Variants in SDHA observed in about 807,000 individuals in gnomAD.
SDHA encodes the protein succinate dehydrogenase complex flavoprotein subunit A.
Under a neutral mutation model 78.4 loss-of-function variants are expected in SDHA, and 48 were observed. The ratio of observed to expected loss-of-function variants is 0.61; its 90% confidence interval spans 0.49 to 0.78. The LOEUF (loss-of-function observed/expected upper bound fraction) is 0.78. Among genes scored for constraint, SDHA ranks in the 30% least tolerant of loss-of-function variants. The probability of loss-of-function intolerance (pLI) is 0.00; values close to 1 mark genes in which losing one functional copy is unlikely to be tolerated. For missense variants in SDHA, 680 were observed against 892.7 expected (o/e 0.76, Z 3.04); for synonymous variants, 326 against 353.9 (o/e 0.92, Z 0.88).
chr5:234,714 A>G (rs1225483703), intron 8 of SDHA: 2 of 260,830 alleles, frequency 7.7e-6, no homozygotes, highest in Admixed American at 4.9e-5. Context: ...ATAGAGGAGG[A>G]TGTGCATAGG....
intron 10 of SDHA, among the ~76,000 whole-genome samples, chr5:239,156 G>A (rs2126598499): frequency 7.5e-6 from 1 of 134,104 alleles, no homozygotes; most frequent in African/African-American, 3.3e-5. Context: ...GGGCCTGTTT[G>A]ACTCCTGCAT....
chr5:265,852 C>CT, the SDHA span, among the ~76,000 whole-genome samples: 12 of 137,444 alleles, frequency 8.7e-5, no homozygotes, highest in African/African-American at 4.1e-4. Context: ...AAATTGCCAC[C>CT]CCAATGCTGT....
chr5:244,410 C>T (rs1016745137), intron 11 of SDHA, among the ~76,000 whole-genome samples: 1 of 151,904 alleles, frequency 6.6e-6, no homozygotes, highest in African/African-American at 2.4e-5. Context: ...TACTTCTGTT[C>T]CCTGGAAAGC....
At chr5:223,169 A>G (rs1734814662) in intron 1 of SDHA, among the ~76,000 whole-genome samples, 1 of 152,270 alleles carries the variant, frequency 6.6e-6, no homozygotes, top group Admixed American at 6.5e-5. Context: ...GCATACATTA[A>G]GACTTCACAG....
chr5:257,426 G>A (rs1199360501), downstream of SDHA, among the ~76,000 whole-genome samples: 1 of 134,540 alleles, frequency 7.4e-6, no homozygotes, highest in African/African-American at 3.0e-5. Flanking sequence ...AACACCACCT[G>A]TCAGAGCATT....
intron 7 of SDHA, 105 bp from the exon 8 acceptor site, chr5:233,372 C>A: frequency 1.0e-5 from 13 of 1,241,974 alleles, no homozygotes; most frequent in Non-Finnish European, 1.5e-5. Flanking sequence ...ATGCCTTCTG[C>A]TTATCTTTTT....
the SDHA span, among the ~76,000 whole-genome samples, chr5:265,854 C>T: frequency 9.3e-5 from 14 of 149,798 alleles, no homozygotes; most frequent in African/African-American, 3.2e-4. Flanking sequence ...ATTGCCACCC[C>T]AATGCTGTGG....
chr5:220,012 A>G (rs924000541), intron 1 of SDHA, among the ~76,000 whole-genome samples: 8 of 152,348 alleles, frequency 5.3e-5, no homozygotes, highest in Admixed American at 4.6e-4. Context: ...TTACGAAGGA[A>G]CAGCATAATC....
chr5:236,303 C>T (rs1367421181), intron 9 of SDHA, 125 bp from the exon 10 acceptor site: 16 of 939,340 alleles, frequency 1.7e-5, no homozygotes, highest in East Asian at 5.0e-5. Context: ...AGATTACAGG[C>T]GTGAGCCACC....
chr5:267,995 G>A, the SDHA span, among the ~76,000 whole-genome samples: 2 of 152,172 alleles, frequency 1.3e-5, no homozygotes, highest in South Asian at 2.1e-4. Context: ...GACTTGTGAA[G>A]ACAATGTTGT....
chr5:233,815 A>G, intron 8 of SDHA, 170 bp downstream of exon 8: 2 of 635,692 alleles, frequency 3.1e-6, no homozygotes, highest in Admixed American at 2.8e-5. Context: ...CTAAAGACCT[A>G]CATTTTGAAA....
intron 11 of SDHA, among the ~76,000 whole-genome samples, chr5:247,964 C>T (rs188556298): frequency 1.7e-3 from 265 of 151,512 alleles, no homozygotes; most frequent in African/African-American, 6.0e-3. Context: ...ACAGGGACTA[C>T]GGGACACCCC....
intron 8 of SDHA, 106 bp from the exon 9 acceptor site, chr5:235,038 T>A: frequency 1.7e-6 from 2 of 1,152,762 alleles, no homozygotes; most frequent in Non-Finnish European, 2.6e-6. Flanking sequence ...GAAATTTTCC[T>A]CAGTATCAAA....
Position 223,543 on chromosome 5 carries a change from G to C in SDHA, c.125G>C (p.Arg42Thr). ...GFHFTVDGNKRASAKVSDSIS... is the reference protein window; with the variant it reads ...GFHFTVDGNKTASAKVSDSIS... The stretch of plus-strand genomic sequence containing the variant: ...CACTTCACTGTTGATGGGAACAAGA[G>C]GGCATCTGCTAAAGTTTCAGATTCC... The change falls in exon 2 of 15, where the codon AGG (arginine) becomes ACG (threonine). Residue 42 changes from arginine (R) to threonine (T), a missense_variant. By Grantham distance (71) the Arg-to-Thr change is moderately conservative. Transcript: ENST00000264932. 1 of 1,613,672 alleles carries C rather than the reference G, an allele frequency of 6.2e-7. No homozygotes were observed. Among genetic ancestry groups the C allele is most frequent in the Admixed American group, 1.7e-5 (1 of 60,024 alleles).
At chr5:233,443 T>C (rs1220365886) in intron 7 of SDHA, 34 bp from the exon 8 acceptor site, 5 of 1,606,184 alleles carry the variant, frequency 3.1e-6, no homozygotes, top group East Asian at 4.5e-5. Flanking sequence ...GATCTAGCAA[T>C]TGTTAGGTAA....
chr5:228,079 G>C, intron 5 of SDHA, 106 bp from the exon 6 acceptor site: 1 of 1,117,866 alleles, frequency 8.9e-7, no homozygotes, highest in South Asian at 1.3e-5. Flanking sequence ...GATTTACCTG[G>C]TCCATTTGGA....
rs1324014370 is a variant in SDHA at position 225,497 on chromosome 5, G to A, written c.391G>A (p.Asp131Asn). The A allele has an allele frequency of 1.2e-5, 20 of 1,613,772 alleles. No individual in the cohort carries two copies. The highest frequency in any genetic ancestry group is 4.0e-5 in the African/African-American group (3 of 74,916). ...WHFYDTVKGS[D>N]WLGDQDAIHY... ...TTTCTACGACACCGTGAAGGGCTCC[G>A]ACTGGCTGGGGGACCAGGATGCCAT... is the stretch of plus-strand genomic sequence containing the variant. The change falls in exon 4 of 15, where the codon GAC becomes AAC. Residue 131 changes from aspartate (D) to asparagine (N), a missense_variant. By Grantham distance (23) the Asp-to-Asn change is conservative. Coordinates refer to ENST00000264932, the MANE Select transcript of SDHA (RefSeq NM_004168.4).
the SDHA span, among the ~76,000 whole-genome samples, chr5:265,089 C>A: frequency 6.6e-6 from 1 of 152,108 alleles, no homozygotes; most frequent in Non-Finnish European, 1.5e-5. Context: ...TGCCTGTAAT[C>A]CCAGCTATTC....
At chr5:234,714 A>C in intron 8 of SDHA, 1 of 260,948 alleles carries the variant, frequency 3.8e-6, no homozygotes, top group East Asian at 8.9e-5. Flanking sequence ...ATAGAGGAGG[A>C]TGTGCATAGG....
Sources: allele counts gnomAD v4.1 joint callset (sites outside exome capture counted in the v4.1 genomes callset), GRCh38; gene constraint gnomAD v4.1.1; transcripts MANE v1.5; gene names NCBI Gene and HGNC (gene_info 2026-07-23, HGNC 2026-07-21).